Variants in DOCK8 observed in about 807,000 individuals in gnomAD.
DOCK8 encodes dedicator of cytokinesis protein 8.
A neutral mutation model predicts 245.6 loss-of-function variants in DOCK8; 141 were observed. That is an observed-to-expected ratio of 0.57 (90% CI 0.50 to 0.66). The LOEUF (loss-of-function observed/expected upper bound fraction) is 0.66. Among genes scored for constraint, DOCK8 ranks in the 30% least tolerant of loss-of-function variants. The probability of loss-of-function intolerance (pLI) is 0.00; values close to 1 mark genes in which losing one functional copy is unlikely to be tolerated. For synonymous variants in DOCK8, 1,168 were observed against 970.2 expected (o/e 1.20, Z -3.79); for missense variants, 2,965 against 2,603.4 (o/e 1.14, Z -3.02).
At chr9:333,229 G>A (rs985387225) in intron 10 of DOCK8, among the ~76,000 whole-genome samples, 1 of 152,220 alleles carries the variant, frequency 6.6e-6, no homozygotes, top group African/African-American at 2.4e-5. Flanking sequence ...ATATTCATTA[G>A]CACAGCATAG....
At chr9:395,531 TTAGTAG>T (rs60738310) in intron 24 of DOCK8, among the ~76,000 whole-genome samples, 1,618 of 149,456 alleles carry the variant, frequency 0.011, 28 homozygotes, top group African/African-American at 0.037. Flanking sequence ...TCCAGTGCCA[TTAGTAG>T]TAGTAGTAGT....
intron 31 of DOCK8, 50 bp downstream of exon 31, chr9:420,633 A>G (rs1427168591): frequency 1.2e-6 from 2 of 1,608,084 alleles, no homozygotes; most frequent in East Asian, 2.2e-5. Context: ...TCTCAATTGC[A>G]ATTCTGTCTT....
rs76391272 is a variant in DOCK8, at chr9:377,341, G to A, written c.2440+130G>A. 0.016 allele frequency: 14,172 copies of A among 876,244 alleles called. 142 individuals carry two copies. Among genetic ancestry groups the A allele is most frequent in the Middle Eastern group, 0.023 (65 of 2,864 alleles). The allele number at this position is 876,244 out of a possible 1,614,324, so 54.3% of individuals were successfully genotyped here. A position where few individuals can be genotyped will look rare whatever the true frequency, so the allele number is the denominator to read the frequency against. On this transcript the variant is annotated intron_variant, in intron 20 of 47. Coordinates refer to ENST00000432829, the MANE Select transcript of DOCK8 (RefSeq NM_203447.4). ...TTTCCACTGATGATGTGTGCTCAAG[G>A]GAGGCCAAGTCTTATGCTATTTTTT...
At chr9:316,990 G>T in intron 6 of DOCK8, 53 bp from the exon 7 acceptor site, 2 of 1,412,652 alleles carry the variant, frequency 1.4e-6, no homozygotes, top group Non-Finnish European at 2.0e-6. Context: ...AACTCTAATT[G>T]GAGCTCCCCA....
intron 23 of DOCK8, among the ~76,000 whole-genome samples, chr9:386,862 A>G (rs2053977858): frequency 6.6e-6 from 1 of 152,244 alleles, no homozygotes; most frequent in Non-Finnish European, 1.5e-5. Context: ...AGTGAATGGC[A>G]ATAATTAGGT....
chr9:273,711 G>C (rs2048230533), intron 2 of DOCK8, among the ~76,000 whole-genome samples: 1 of 149,230 alleles, frequency 6.7e-6, no homozygotes, highest in African/African-American at 2.5e-5. Context: ...TTTTGAGATG[G>C]AGTTTAGCTC....
chr9:250,282 GA>G (rs568656041), intron 1 of DOCK8, among the ~76,000 whole-genome samples: 14 of 152,284 alleles, frequency 9.2e-5, no homozygotes, highest in African/African-American at 3.4e-4. Context: ...TTGCTTTGTA[GA>G]AATTCCTTTC....
At chr9:436,897 G>T (rs2056922715) in intron 39 of DOCK8, among the ~76,000 whole-genome samples, 1 of 152,186 alleles carries the variant, frequency 6.6e-6, no homozygotes, top group Non-Finnish European at 1.5e-5. Context: ...AGAGGCACAA[G>T]ATATTGTGAG....
intron 4 of DOCK8, among the ~76,000 whole-genome samples, chr9:294,420 C>T (rs1464475248): frequency 6.6e-6 from 1 of 152,208 alleles, no homozygotes; most frequent in Non-Finnish European, 1.5e-5. Flanking sequence ...TTCCCATATT[C>T]TTGCCAGTGC....
chr9:263,187 A>T (rs2129808801), intron 1 of DOCK8, among the ~76,000 whole-genome samples: 1 of 150,542 alleles, frequency 6.6e-6, no homozygotes, highest in Middle Eastern at 3.4e-3. Flanking sequence ...AACCTGGGTG[A>T]CAGAGGGAGA....
At chr9:296,886 A>T (rs1487728039) in intron 4 of DOCK8, among the ~76,000 whole-genome samples, 1 of 152,104 alleles carries the variant, frequency 6.6e-6, no homozygotes, top group African/African-American at 2.4e-5. Flanking sequence ...AGGCTCTGTT[A>T]ACACACACCA....
At chr9:403,960 GTATATATATATATA>G (rs773503416) in intron 26 of DOCK8, among the ~76,000 whole-genome samples, 1 of 67,264 alleles carries the variant, frequency 1.5e-5, no homozygotes, top group East Asian at 4.1e-4. Flanking sequence ...ATATATATAT[GTATATATATATATA>G]TGTGTATATA....
chr9:352,092 A>G (rs528133714), intron 14 of DOCK8, among the ~76,000 whole-genome samples: 65 of 151,948 alleles, frequency 4.3e-4, no homozygotes, highest in African/African-American at 1.5e-3. Context: ...CTAAACATCA[A>G]CCCCACAGCA....
At position 378,644 on chromosome 9, in the gene DOCK8, C is replaced by G. The variant is rs187536658; in HGVS notation, c.2441-1127C>G. ...TGGCACACTGCTTTGTATGTTCCAG[C>G]TAGTTAATACAGACTTGTTCACCAG... On this transcript the variant is annotated intron_variant, in intron 20 of 47. Transcript: ENST00000432829. Among the ~76,000 whole-genome samples the G allele has an allele frequency of 3.9e-5, 6 of 152,358 alleles. No individual in the cohort carries two copies. In the East Asian group the frequency reaches 5.8e-4, roughly 15 times the overall value.
At position 371,659 on chromosome 9, in the gene DOCK8, T is replaced by A; in HGVS notation, c.2007+93T>A. On this transcript the variant is annotated intron_variant, in intron 17 of 47. Coordinates refer to ENST00000432829, the MANE Select transcript of DOCK8 (RefSeq NM_203447.4). ...AACAACCAAATTCTATTCACTTGAT[T>A]TTTTCCAGTCAGAAGTAGCAAAACA... The A allele has an allele frequency of 2.6e-6, 4 of 1,555,956 alleles. No individual in the cohort carries two copies. The South Asian group carries it at 4.6e-5, about 18-fold the overall frequency.
At chr9:245,454 C>T (rs1335636487) in intron 1 of DOCK8, among the ~76,000 whole-genome samples, 1 of 152,070 alleles carries the variant, frequency 6.6e-6, no homozygotes, top group Non-Finnish European at 1.5e-5. Context: ...GTGATCTGCC[C>T]TCCTCAGCCT....
chr9:363,039 G>A (rs1474902521), intron 14 of DOCK8, among the ~76,000 whole-genome samples: 2 of 152,190 alleles, frequency 1.3e-5, no homozygotes, highest in East Asian at 3.8e-4. Context: ...TTAAAAATAA[G>A]TTGAGGATTC....
intron 7 of DOCK8, among the ~76,000 whole-genome samples, chr9:317,727 A>T (rs1341770035): frequency 1.3e-5 from 2 of 152,224 alleles, no homozygotes; most frequent in Non-Finnish European, 2.9e-5. Context: ...CACTGCTAGC[A>T]ACAGACTCTT....
intron 4 of DOCK8, among the ~76,000 whole-genome samples, chr9:294,805 A>G (rs908582918): frequency 2.8e-4 from 42 of 152,358 alleles, no homozygotes; most frequent in Admixed American, 2.2e-3. Flanking sequence ...GTGAAATGGA[A>G]CAAACAATTG....
Sources: gnomAD v4.1 joint callset for allele counts (sites outside exome capture counted in the v4.1 genomes callset) on GRCh38, gnomAD v4.1.1 for gene constraint, MANE v1.5 for transcripts, NCBI Gene and HGNC (gene_info 2026-07-23, HGNC 2026-07-21) for gene names.